Variants in ARHGAP32 observed in about 807,000 individuals in gnomAD.
ARHGAP32 encodes rho GTPase-activating protein 32.
ARHGAP32 carries 51 observed loss-of-function variants against 186.5 expected under a neutral mutation model. That is an observed-to-expected ratio of 0.27 (90% CI 0.22 to 0.35). The LOEUF (loss-of-function observed/expected upper bound fraction) is 0.35, where lower values mean the gene tolerates loss of function less well. ARHGAP32 is among the 10% of genes least tolerant of loss of function. The pLI, the probability that ARHGAP32 is intolerant of heterozygous loss-of-function variation, is 1.00. For synonymous variants in ARHGAP32, 950 were observed against 964.3 expected, an observed-to-expected ratio of 0.99 and a Z score of 0.27; for missense variants, 2,186 against 2,623.5, an observed-to-expected ratio of 0.83 and a Z score of 3.64.
chr11:128,987,897 A>G, intron 13 of ARHGAP32, 126 bp downstream of exon 13: 2 of 681,520 alleles, frequency 2.9e-6, no homozygotes, highest in Admixed American at 2.7e-5. Flanking sequence ...TAACATGTAT[A>G]TTATTTCCTA....
chr11:129,263,044 C>T (rs771423262), intron 1 of ARHGAP32, among the ~76,000 whole-genome samples: 3 of 151,978 alleles, frequency 2.0e-5, no homozygotes, highest in Non-Finnish European at 4.4e-5. Flanking sequence ...GATATTCACA[C>T]ACAAAAAATG....
intron 5 of ARHGAP32, among the ~76,000 whole-genome samples, chr11:129,107,106 A>G (rs1565425507): frequency 6.6e-6 from 1 of 152,194 alleles, no homozygotes; most frequent in African/African-American, 2.4e-5. Flanking sequence ...AAAACATTAT[A>G]AGCTATTTTC....
chr11:129,077,293 G>A (rs1363473610), intron 6 of ARHGAP32, among the ~76,000 whole-genome samples: 1 of 152,148 alleles, frequency 6.6e-6, no homozygotes, highest in Non-Finnish European at 1.5e-5. Context: ...AGGTTGGGTT[G>A]GGAGGTAAAC....
chr11:129,073,741 TCA>T (rs982865672), intron 6 of ARHGAP32, among the ~76,000 whole-genome samples: 17 of 140,270 alleles, frequency 1.2e-4, no homozygotes, highest in Non-Finnish European at 2.6e-4. Context: ...ATAAATTGCA[TCA>T]CCCTCCTCAA....
At position 128,974,442 on chromosome 11, in the gene ARHGAP32, T is replaced by G; in HGVS notation, c.2755A>C (p.Met919Leu). 3.7e-6 allele frequency: 6 copies of G among 1,614,212 alleles called. No individual in the cohort carries two copies. The highest frequency in any genetic ancestry group is 5.1e-6 in the Non-Finnish European group (6 of 1,180,042). ...ACTGAAATTGGCTCAGATATGCTCA[T>G]AGAAGGTGATTTGCTTAATTTCCGT... ...IGRKLSKSPS[M>L]SISEPISVTL... Residue 919 changes from methionine (M) to leucine (L), a missense_variant, in exon 21 of 23, where the codon ATG (methionine) becomes CTG (leucine). Met to Leu is a conservative substitution (Grantham distance 15, BLOSUM62 2). This residue lies in a region of ARHGAP32 where 1,502 missense variants were observed against 1,570.0 expected (regional missense o/e 0.96). Transcript: ENST00000682385.
chr11:129,133,151 G>A (rs909843325), intron 2 of ARHGAP32, among the ~76,000 whole-genome samples: 3 of 152,142 alleles, frequency 2.0e-5, no homozygotes, highest in African/African-American at 7.2e-5. Flanking sequence ...GAGTGAGCAG[G>A]AGGAAGAGTG....
In ARHGAP32 at chr11:128,966,170, T is replaced by C. The variant is rs1945217354; in HGVS notation, c.*2737A>G. On this transcript the variant is annotated 3_prime_UTR_variant, in exon 23 of 23. Coordinates refer to ENST00000682385, the MANE Select transcript of ARHGAP32 (RefSeq NM_001378024.1). ...TGGAATCAGAATTTTGCCAAAAAGATAAAATCTGGAGGCATGGCTATGAAA... is the reference window on the plus strand; with the variant it reads ...TGGAATCAGAATTTTGCCAAAAAGACAAAATCTGGAGGCATGGCTATGAAA... 6.6e-6 allele frequency: 1 copy of C among 152,178 alleles called. No homozygotes were observed. Among genetic ancestry groups the C allele is most frequent in the Non-Finnish European group, 1.5e-5 (1 of 68,020 alleles). The allele number at this position is 152,178 out of a possible 1,614,324, so 9.4% of individuals were successfully genotyped here.
chr11:129,147,705 C>G (rs1022294147), intron 2 of ARHGAP32, among the ~76,000 whole-genome samples: 2 of 152,168 alleles, frequency 1.3e-5, no homozygotes, highest in African/African-American at 4.8e-5. Flanking sequence ...AATGGTTGCT[C>G]TATAAGAGTA....
intron 2 of ARHGAP32, among the ~76,000 whole-genome samples, chr11:129,154,037 G>GA (rs59278586): frequency 0.13 from 19,673 of 148,420 alleles, 1,397 homozygotes; most frequent in Non-Finnish European, 0.16. Flanking sequence ...AAATCAGCAA[G>GA]AAAAAAAAAA....
intron 11 of ARHGAP32, among the ~76,000 whole-genome samples, chr11:129,025,003 ATTTACATATTT>A (rs1161036233): frequency 6.6e-6 from 1 of 152,146 alleles, no homozygotes; most frequent in Non-Finnish European, 1.5e-5. Flanking sequence ...ATTGGAAAAT[ATTTACATATTT>A]TCCATTCCAA....
In ARHGAP32 at chr11:128,972,541, G is replaced by C. The variant is rs1286148539; in HGVS notation, c.3965C>G (p.Pro1322Arg). 2 of 1,567,502 alleles carry C rather than the reference G, an allele frequency of 1.3e-6. No individual in the cohort carries two copies. The highest frequency in any genetic ancestry group is 2.3e-5 in the East Asian group (1 of 44,398). The change falls in exon 22 of 23, where the codon CCT (proline) becomes CGT (arginine). Residue 1322 changes from proline to arginine, a missense_variant. Pro to Arg is a moderately radical substitution (Grantham distance 103). This residue lies in a region of ARHGAP32 where 1,502 missense variants were observed against 1,570.0 expected (regional missense o/e 0.96). Transcript: ENST00000682385. ...RTHRTNRPLP[P>R]PPSQRSAEQP... is the part of the protein sequence containing the mutation. Reference sequence around the variant, plus strand: ...CTCTGCAGATCTCTGGGAAGGCGGAGGGGGAAGGGGACGATTAGTTCTGTG... The same window carrying C: ...CTCTGCAGATCTCTGGGAAGGCGGACGGGGAAGGGGACGATTAGTTCTGTG...
intron 2 of ARHGAP32, among the ~76,000 whole-genome samples, chr11:129,148,954 G>A (rs1238759005): frequency 6.6e-6 from 1 of 152,158 alleles, no homozygotes; most frequent in African/African-American, 2.4e-5. Flanking sequence ...CTCACCCAAG[G>A]AAAGTCTAAG....
intron 11 of ARHGAP32, among the ~76,000 whole-genome samples, chr11:129,004,214 CAG>C (rs1486510191): frequency 6.7e-6 from 1 of 149,498 alleles, no homozygotes; most frequent in Non-Finnish European, 1.5e-5. Context: ...CTGTTGTGGC[CAG>C]AGATGCCTGA....
In ARHGAP32 at chr11:128,970,235, C is replaced by T; in HGVS notation, c.4978G>A (p.Val1660Ile). 1 of 1,614,158 alleles carries T rather than the reference C, an allele frequency of 6.2e-7. No individual in the cohort carries two copies. Among genetic ancestry groups the T allele is most frequent in the Non-Finnish European group, 8.5e-7 (1 of 1,180,044 alleles). ...QLQPYFENGR[V>I]HYRYSPYSSS... Reference sequence around the variant, plus strand: ...GAATATGGGCTATACCTGTAGTGGACCCGGCCATTCTCAAAGTAAGGCTGA... The same window carrying T: ...GAATATGGGCTATACCTGTAGTGGATCCGGCCATTCTCAAAGTAAGGCTGA... The change falls in exon 23 of 23, where the codon GTC (valine) becomes ATC (isoleucine). Residue 1660 changes from valine to isoleucine, a missense_variant. Val to Ile is a conservative substitution (Grantham distance 29, BLOSUM62 3). Transcript: ENST00000682385. The surrounding 1 kb of genome is among the most constrained non-coding windows in gnomAD (Gnocchi z 5.8).
intron 11 of ARHGAP32, among the ~76,000 whole-genome samples, chr11:129,020,683 A>C (rs1591538368): frequency 6.6e-6 from 1 of 152,094 alleles, no homozygotes; most frequent in Non-Finnish European, 1.5e-5. Context: ...ACAAAGCAAA[A>C]TTCTCAGTGT....
At chr11:129,193,702 AAT>A (rs1491310137), upstream of ARHGAP32, among the ~76,000 whole-genome samples, 2 of 33,188 alleles carry the variant, frequency 6.0e-5, no homozygotes, top group East Asian at 1.6e-3. Flanking sequence ...TATAATATAT[AAT>A]ATATATTATA....
At chr11:129,137,761 A>C (rs1186373576) in intron 2 of ARHGAP32, among the ~76,000 whole-genome samples, 1 of 152,066 alleles carries the variant, frequency 6.6e-6, no homozygotes, top group East Asian at 1.9e-4. Context: ...AGGCAGCTAG[A>C]CTGACAGTGG....
At chr11:129,044,024 ATGTTTTATATTAAAG>A (rs11271742) in intron 10 of ARHGAP32, among the ~76,000 whole-genome samples, 98,217 of 151,660 alleles carry the variant, frequency 0.65, 32,219 homozygotes, top group Middle Eastern at 0.71. Flanking sequence ...AGTTTTCATC[ATGTTTTATATTAAAG>A]TGTTTTATAT....
chr11:128,978,706 C>G (rs560634444), intron 19 of ARHGAP32, 64 bp downstream of exon 19: 1 of 1,505,414 alleles, frequency 6.6e-7, no homozygotes, highest in African/African-American at 1.4e-5. Flanking sequence ...ATGTGAAGAA[C>G]GTGCCCAGAA....
Sources: allele counts gnomAD v4.1 joint callset (sites outside exome capture counted in the v4.1 genomes callset), GRCh38; gene constraint gnomAD v4.1.1; regional missense constraint gnomAD v4.1.1; non-coding constraint Gnocchi (gnomAD v3.1); transcripts MANE v1.5; gene names NCBI Gene and HGNC (gene_info 2026-07-23, HGNC 2026-07-21).